The following TGFBR2 variants were observed in gnomAD, a reference collection of about 807,000 sequenced individuals.
TGFBR2 encodes TGF-beta receptor type-2.
A neutral mutation model predicts 49.0 loss-of-function variants in TGFBR2; 18 were observed. The observed-to-expected ratio is 0.37, with a 90% CI of 0.25 to 0.54. TGFBR2 has a LOEUF of 0.54. Ranked by LOEUF, TGFBR2 falls within the 20% of genes least tolerant of loss-of-function variation. TGFBR2 has a pLI of 0.85. For synonymous variants in TGFBR2, 282 were observed against 275.9 expected, an observed-to-expected ratio of 1.02 and a Z score of -0.22; for missense variants, 525 against 722.6, an observed-to-expected ratio of 0.73 and a Z score of 3.13.
intron 1 of TGFBR2, among the ~76,000 whole-genome samples, chr3:30,615,761 A>G (rs1174583112): frequency 6.6e-6 from 1 of 151,486 alleles, no homozygotes; most frequent in African/African-American, 2.4e-5. Flanking sequence ...TTTTCCAGAG[A>G]TGAGATCTCA....
intron 1 of TGFBR2, among the ~76,000 whole-genome samples, chr3:30,610,513 A>C (rs1331628494): frequency 6.6e-6 from 1 of 152,136 alleles, no homozygotes; most frequent in Non-Finnish European, 1.5e-5. Context: ...CAATGCGTTC[A>C]TTTAGTGCTC....
intron 5 of TGFBR2, among the ~76,000 whole-genome samples, chr3:30,684,473 C>G (rs929806519): frequency 1.3e-5 from 2 of 152,224 alleles, no homozygotes; most frequent in Admixed American, 1.3e-4. Context: ...CCCATCCGTA[C>G]TCCTAATCTG....
At chr3:30,635,350 C>A (rs1698508853) in intron 1 of TGFBR2, among the ~76,000 whole-genome samples, 1 of 152,042 alleles carries the variant, frequency 6.6e-6, no homozygotes, top group African/African-American at 2.4e-5. Context: ...CAAAAACAAA[C>A]AAAAAACAGA....
At position 30,693,640 on chromosome 3, in the gene TGFBR2, G is replaced by A. The variant is rs1030149854; in HGVS notation, c.*2041G>A. On this transcript the variant is annotated 3_prime_UTR_variant, in exon 7 of 7. Coordinates refer to ENST00000295754, the MANE Select transcript of TGFBR2 (RefSeq NM_003242.6). ...GACAGTGTGGCTGCAGTAGCATAGAGGCGCCTAGAAATTCCACTTGCACCG... is the reference window on the plus strand; with the variant it reads ...GACAGTGTGGCTGCAGTAGCATAGAAGCGCCTAGAAATTCCACTTGCACCG... 8.6e-6 allele frequency: 2 copies of A among 233,622 alleles called. No homozygotes were observed. The highest frequency in any genetic ancestry group is 5.6e-5 in the Admixed American group (1 of 17,790). The allele number at this position is 233,622 out of a possible 1,614,324, so 14.5% of individuals were successfully genotyped here.
intron 5 of TGFBR2, 152 bp from the exon 6 acceptor site, chr3:30,688,232 G>A: frequency 1.0e-6 from 1 of 967,070 alleles, no homozygotes; most frequent in South Asian, 1.3e-5. Context: ...TCTTATCTTA[G>A]CCATTATTAT....
chr3:30,607,205 G>T (rs1219941905), intron 1 of TGFBR2, among the ~76,000 whole-genome samples: 1 of 152,260 alleles, frequency 6.6e-6, no homozygotes, highest in Non-Finnish European at 1.5e-5. Context: ...GGCACGTTTG[G>T]TCCCCTTTGT....
In TGFBR2 at chr3:30,688,418, G is replaced by C. The variant is rs1182402824; in HGVS notation, c.1431G>C (p.Lys477Asn). The change falls in exon 6 of 7, where the codon AAG becomes AAC. Residue 477 changes from lysine (K) to asparagine (N), a missense_variant. Coordinates refer to ENST00000295754, the MANE Select transcript of TGFBR2 (RefSeq NM_003242.6). ...ATTATGAGCCTCCATTTGGTTCCAAGGTGCGGGAGCACCCCTGTGTCGAAA... is the reference window on the plus strand; with the variant it reads ...ATTATGAGCCTCCATTTGGTTCCAACGTGCGGGAGCACCCCTGTGTCGAAA... The part of the protein sequence containing the change: ...VKDYEPPFGS[K>N]VREHPCVESM... 1.2e-6 allele frequency: 2 copies of C among 1,614,092 alleles called. No homozygotes were observed. The highest frequency in any genetic ancestry group is 1.7e-6 in the Non-Finnish European group (2 of 1,180,030).
chr3:30,616,299 A>G (rs1255754256), intron 1 of TGFBR2, among the ~76,000 whole-genome samples: 2 of 152,102 alleles, frequency 1.3e-5, no homozygotes, highest in Non-Finnish European at 2.9e-5. Context: ...AAACCAAAAT[A>G]TTTTTCCTCC....
intron 1 of TGFBR2, among the ~76,000 whole-genome samples, chr3:30,635,993 G>A (rs191482151): frequency 9.8e-5 from 15 of 152,286 alleles, no homozygotes; most frequent in Admixed American, 9.8e-4. Flanking sequence ...TGAGGTTGCC[G>A]TTGTTAATGT....
intron 5 of TGFBR2, among the ~76,000 whole-genome samples, chr3:30,683,172 C>G (rs1237344926): frequency 3.9e-5 from 6 of 152,160 alleles, no homozygotes; most frequent in African/African-American, 1.4e-4. Flanking sequence ...CATTTGAAAC[C>G]CTTAAAATAT....
chr3:30,618,909 T>C (rs184738648), intron 1 of TGFBR2, among the ~76,000 whole-genome samples: 248 of 152,334 alleles, frequency 1.6e-3, no homozygotes, highest in African/African-American at 5.5e-3. Context: ...TATTTTAATA[T>C]CATAAGGCAG....
chr3:30,638,414 C>G (rs1222340201), intron 1 of TGFBR2, among the ~76,000 whole-genome samples: 1 of 152,124 alleles, frequency 6.6e-6, no homozygotes, highest in Non-Finnish European at 1.5e-5. Context: ...CTGTTTTCTT[C>G]CTGCACACGC....
At chr3:30,657,161 T>C (rs954435405) in intron 3 of TGFBR2, among the ~76,000 whole-genome samples, 8 of 152,192 alleles carry the variant, frequency 5.3e-5, no homozygotes, top group African/African-American at 1.9e-4. Context: ...GATAATCTTG[T>C]CTCTTATAGA....
At chr3:30,636,699 A>T (rs114488869) in intron 1 of TGFBR2, among the ~76,000 whole-genome samples, 5,345 of 151,700 alleles carry the variant, frequency 0.035, 331 homozygotes, top group African/African-American at 0.12. Context: ...ACTCCCAGAG[A>T]CCGTCTAAAT....
At chr3:30,636,355 A>G (rs1196301611) in intron 1 of TGFBR2, among the ~76,000 whole-genome samples, 1 of 152,144 alleles carries the variant, frequency 6.6e-6, no homozygotes, top group East Asian at 1.9e-4. Context: ...CATGTGCATG[A>G]AAAGGAAAAT....
intron 1 of TGFBR2, among the ~76,000 whole-genome samples, chr3:30,611,147 C>T (rs1199779321): frequency 6.6e-6 from 1 of 152,194 alleles, no homozygotes; most frequent in Non-Finnish European, 1.5e-5. Flanking sequence ...CTTTAATCCT[C>T]TCAATCTTAT....
intron 6 of TGFBR2, among the ~76,000 whole-genome samples, chr3:30,689,380 G>A (rs3773663): frequency 0.41 from 62,176 of 152,106 alleles, 12,950 homozygotes; most frequent in East Asian, 0.48. Flanking sequence ...TCACTGAGAA[G>A]ACTGTTCTTT....
chr3:30,645,935 G>A (rs1698729364), intron 2 of TGFBR2, among the ~76,000 whole-genome samples: 1 of 152,076 alleles, frequency 6.6e-6, no homozygotes, highest in Admixed American at 6.6e-5. Flanking sequence ...GTTATAGATT[G>A]TGAGCATGAA....
chr3:30,624,301 C>G (rs186081051), intron 1 of TGFBR2, among the ~76,000 whole-genome samples: 161 of 152,246 alleles, frequency 1.1e-3, no homozygotes, highest in Admixed American at 2.5e-3. Context: ...CTATGACTGA[C>G]ATTTTCAAAG....
Sources: gnomAD v4.1 joint callset for allele counts (sites outside exome capture counted in the v4.1 genomes callset) on GRCh38, gnomAD v4.1.1 for gene constraint, MANE v1.5 for transcripts, NCBI Gene and HGNC (gene_info 2026-07-23, HGNC 2026-07-21) for gene names.